The following TAP2 variants were observed in gnomAD, a reference collection of about 807,000 sequenced individuals.
TAP2 encodes transporter 2, ATP binding cassette subfamily B member.
Under a neutral mutation model 74.7 loss-of-function variants are expected in TAP2, and 49 were observed. That is an observed-to-expected ratio of 0.66 (90% CI 0.52 to 0.83). The LOEUF is 0.83. TAP2 is among the 40% of genes least tolerant of loss of function. TAP2 has a pLI of 0.00. For synonymous variants in TAP2, 306 were observed against 368.4 expected, an observed-to-expected ratio of 0.83 and a Z score of 1.94; for missense variants, 739 against 859.0, an observed-to-expected ratio of 0.86 and a Z score of 1.75.
chr6:32,837,807 T>G lies in TAP2; in HGVS notation c.427A>C (p.Lys143Gln). 1 of 1,613,956 alleles carries G rather than the reference T, an allele frequency of 6.2e-7. No individual in the cohort carries two copies. The highest frequency in any genetic ancestry group is 1.3e-5 in the African/African-American group (1 of 74,978). Residue 143 changes from lysine to glutamine, a missense_variant, in exon 2 of 12, where the codon AAG becomes CAG. By Grantham distance (53) the Lys-to-Gln change is moderately conservative. Coordinates refer to ENST00000374897, the MANE Select transcript of TAP2 (RefSeq NM_001290043.2). ...AGAGGCAGGTCCGGCCTGGAGAGCT[T>G]CAGCAGCCTCCACATCAAGACTTTG... The part of the protein sequence containing the change: ...NNKVLMWRLL[K>Q]LSRPDLPLLV...
At position 32,828,447 on chromosome 6, in the gene TAP2, G is replaced by A; in HGVS notation, c.*459C>T. 2.0e-6 allele frequency: 2 copies of A among 985,270 alleles called. No individual in the cohort carries two copies. Among genetic ancestry groups the A allele is most frequent in the South Asian group, 9.4e-5 (2 of 21,292 alleles). 61.0% of individuals were successfully genotyped at this position (985,270 alleles called of 1,614,324 possible). A position where few individuals can be genotyped will look rare whatever the true frequency, so the allele number is the denominator to read the frequency against. ...CTCAAACAACAGATAAACGACTGAT[G>A]GGACAGGCAGCAAAATAGCAACTAT... is the stretch of plus-strand genomic sequence containing the variant. On this transcript the variant is annotated 3_prime_UTR_variant, in exon 12 of 12. Coordinates refer to ENST00000374897, the MANE Select transcript of TAP2 (RefSeq NM_001290043.2).
Position 32,834,930 on chromosome 6 carries a change from A to C in TAP2, c.945+224T>G, listed in dbSNP as rs1227004188. 3.3e-5 allele frequency among the ~76,000 whole-genome samples: 5 copies of C among 150,642 alleles called. No individual in the cohort carries two copies. In the South Asian group the frequency reaches 8.3e-4, roughly 25 times the overall value. ...TCCCCCATACCTTCACATACACTTT[A>C]CATTTTTGTTTACAGTTCTGGAGAA... On this transcript the variant is annotated intron_variant, in intron 5 of 11. Transcript: ENST00000374897.
Position 32,826,016 on chromosome 6 carries a change from G to A in TAP2, c.*2890C>T. Reference sequence around the variant, plus strand: ...AGTAGTCTAATTCCTAAGAGTCCATGGAACTCTAGGTTCAAAACCCAGTTT... The same window carrying A: ...AGTAGTCTAATTCCTAAGAGTCCATAGAACTCTAGGTTCAAAACCCAGTTT... On this transcript the variant is annotated 3_prime_UTR_variant, in exon 12 of 12. Transcript: ENST00000374897. The A allele has an allele frequency of 1.0e-6, 1 of 985,352 alleles. No homozygotes were observed. Among genetic ancestry groups the A allele is most frequent in the Non-Finnish European group, 1.2e-6 (1 of 829,898 alleles). The allele number at this position is 985,352 out of a possible 1,614,324, so 61.0% of individuals were successfully genotyped here. A position where few individuals can be genotyped will look rare whatever the true frequency, so the allele number is the denominator to read the frequency against.
At chr6:32,822,070 G>A (rs117503239), downstream of TAP2, 1 of 548,346 alleles carries the variant, frequency 1.8e-6, no homozygotes, top group African/African-American at 1.9e-5. Context: ...GGAAACTGAG[G>A]AACCAAAGGC....
At position 32,828,872 on chromosome 6, in the gene TAP2, G is replaced by A. The variant is rs779540233; in HGVS notation, c.*34C>T. The A allele has an allele frequency of 6.6e-7, 1 of 1,524,922 alleles. No individual in the cohort carries two copies. 94.5% of individuals were successfully genotyped at this position (1,524,922 alleles called of 1,614,324 possible). A position where few individuals can be genotyped will look rare whatever the true frequency, so the allele number is the denominator to read the frequency against. The stretch of plus-strand genomic sequence containing the variant: ...CTGGGGCCTCAGTCCATCAGCCGCT[G>A]CTGCACCAGGCGGGAATAGAGGTCC... On this transcript the variant is annotated 3_prime_UTR_variant, in exon 12 of 12. Coordinates refer to ENST00000374897, the MANE Select transcript of TAP2 (RefSeq NM_001290043.2).
rs1365463621 is a variant in TAP2 at position 32,832,285 on chromosome 6, A to G, written c.1272+48T>C. 2.5e-6 allele frequency: 4 copies of G among 1,612,648 alleles called. No homozygotes were observed. Among genetic ancestry groups the G allele is most frequent in the Non-Finnish European group, 3.4e-6 (4 of 1,179,952 alleles). ...AAAGCCCAAGGCCCAGGAGTCCACA[A>G]AGAAAAAGAGAGGGAAAAAAGGAGA... On this transcript the variant is annotated intron_variant, in intron 7 of 11. Coordinates refer to ENST00000374897, the MANE Select transcript of TAP2 (RefSeq NM_001290043.2). The surrounding 1 kb of genome is among the most constrained non-coding windows in gnomAD (Gnocchi z 5.9).
At chr6:32,834,685 G>A (rs62397688) in intron 5 of TAP2, among the ~76,000 whole-genome samples, 6,340 of 152,248 alleles carry the variant, frequency 0.042, 187 homozygotes, top group South Asian at 0.07. Flanking sequence ...GAGAAAAAGA[G>A]AAGGTGGAGC....
At position 32,835,025 on chromosome 6, in the gene TAP2, A is replaced by C. The variant is rs1769317902; in HGVS notation, c.945+129T>G. Reference sequence around the variant, plus strand: ...CAAACAAAATGTAGTATATACTACAATATACCTTCTCCCCTAATGGCTGAG... The same window carrying C: ...CAAACAAAATGTAGTATATACTACACTATACCTTCTCCCCTAATGGCTGAG... On this transcript the variant is annotated intron_variant, in intron 5 of 11. Transcript: ENST00000374897. This position sits in a 1 kb window ranked among gnomAD's most constrained non-coding sequence, Gnocchi z 4.0. The C allele has an allele frequency of 1.0e-6, 1 of 954,238 alleles. No homozygotes were observed. Among genetic ancestry groups the C allele is most frequent in the Non-Finnish European group, 1.6e-6 (1 of 606,696 alleles). The allele number at this position is 954,238 out of a possible 1,614,324, so 59.1% of individuals were successfully genotyped here.
At chr6:32,838,559 G>C in intron 1 of TAP2, 94 bp downstream of exon 1, 1 of 323,274 alleles carries the variant, frequency 3.1e-6, no homozygotes, top group South Asian at 1.2e-4. Flanking sequence ...CCTATCGCCG[G>C]GTGCAGAGGG....
At chr6:32,822,546 T>G (rs919323033), downstream of TAP2, among the ~76,000 whole-genome samples, 3 of 152,192 alleles carry the variant, frequency 2.0e-5, no homozygotes, top group African/African-American at 7.2e-5. Flanking sequence ...GTTTGTTTGT[T>G]TGTTTGTTTT....
At chr6:32,830,934 T>C (rs117821) in intron 7 of TAP2, 128 bp from the exon 8 acceptor site, 520,432 of 874,434 alleles carry the variant, frequency 0.6, 156,621 homozygotes, top group Non-Finnish European at 0.6. Context: ...GATTCTCCAC[T>C]TTTAAATGTA....
chr6:32,822,465 T>G (rs1768345284), downstream of TAP2: 1 of 632,356 alleles, frequency 1.6e-6, no homozygotes, highest in African/African-American at 1.9e-5. Context: ...TGCATTGTCA[T>G]AGTTTAACAT....
chr6:32,822,864 T>C (rs139345337), downstream of TAP2, among the ~76,000 whole-genome samples: 2,458 of 151,902 alleles, frequency 0.016, 35 homozygotes, highest in Admixed American at 0.025. Flanking sequence ...GATATAGATG[T>C]AGCATATCTA....
In TAP2 at chr6:32,829,529, C is replaced by T; in HGVS notation, c.1803G>A (p.Gly601=). 2 of 1,614,190 alleles carry T rather than the reference C, an allele frequency of 1.2e-6. No individual in the cohort carries two copies. The highest frequency in any genetic ancestry group is 1.7e-6 in the Non-Finnish European group (2 of 1,180,050). ...CCGCAGCCAGCTGGCTTCCCTTCTC[C>T]CCTACATCTGAGGAAATCAGAGAAA... The part of the protein sequence containing the change: ...EMEHGIYTDV[G]EKGSQLAAGQ... The change falls in exon 11 of 12, where the codon GGG becomes GGA. Residue 601 remains glycine, a synonymous_variant. Transcript: ENST00000374897.
intron 3 of TAP2, among the ~76,000 whole-genome samples, chr6:32,836,292 T>C (rs1002001453): frequency 1.3e-5 from 2 of 152,216 alleles, no homozygotes; most frequent in African/African-American, 4.8e-5. Flanking sequence ...GATTCCCATC[T>C]TTCATCCTTC....
intron 3 of TAP2, among the ~76,000 whole-genome samples, chr6:32,837,019 A>G (rs1427634733): frequency 6.6e-6 from 1 of 152,230 alleles, no homozygotes; most frequent in East Asian, 1.9e-4. Flanking sequence ...TATGTCTAGA[A>G]AGAGAAAGGA....
At position 32,830,677 on chromosome 6, in the gene TAP2, C is replaced by T. The variant is rs145903803; in HGVS notation, c.1402G>A (p.Val468Met). 109 of 1,612,986 alleles carry T rather than the reference C, an allele frequency of 6.8e-5. No homozygotes were observed. The highest frequency in any genetic ancestry group is 8.4e-5 in the Non-Finnish European group (99 of 1,180,046). Reference sequence around the variant, plus strand: ...GCAAAGGAGACGTCTTGGAATTTCACAACCCCCTGCAGAGTGGTGGGGGCA... The same window carrying T: ...GCAAAGGAGACGTCTTGGAATTTCATAACCCCCTGCAGAGTGGTGGGGGCA... Reference protein sequence around the residue: ...TLAPTTLQGVVKFQDVSFAYP... With the variant: ...TLAPTTLQGVMKFQDVSFAYP... Residue 468 changes from valine (V) to methionine (M), a missense_variant, in exon 8 of 12, where the codon GTG becomes ATG. Physicochemically the swap from Val to Met is conservative, Grantham distance 21. Transcript: ENST00000374897.
At position 32,828,938 on chromosome 6, in the gene TAP2, C is replaced by T. The variant is rs887743515; in HGVS notation, c.2029G>A (p.Glu677Lys). 13 of 1,546,504 alleles carry T rather than the reference C, an allele frequency of 8.4e-6. No homozygotes were observed. In the African/African-American group the frequency reaches 1.6e-4, roughly 20 times the overall value. The change falls in exon 12 of 12, where the codon GAG becomes AAG. Residue 677 changes from glutamate (E) to lysine (K), a missense_variant. By Grantham distance (56) the Glu-to-Lys change is moderately conservative (BLOSUM62 1). Coordinates refer to ENST00000374897, the MANE Select transcript of TAP2 (RefSeq NM_001290043.2). Reference protein sequence around the residue: ...QRAHQILVLQEGKLQKLAQL With the variant: ...QRAHQILVLQKGKLQKLAQL Reference sequence around the variant, plus strand: ...TGGGCAAGCTTCTGCAGCTTGCCCTCCTGGAGCACCAGGATCTGGTGGGCG... The same window carrying T: ...TGGGCAAGCTTCTGCAGCTTGCCCTTCTGGAGCACCAGGATCTGGTGGGCG...
chr6:32,832,875 C>G lies in TAP2; in HGVS notation c.946-51G>C. 1 of 1,591,976 alleles carries G rather than the reference C, an allele frequency of 6.3e-7. No individual in the cohort carries two copies. Among genetic ancestry groups the G allele is most frequent in the Non-Finnish European group, 8.6e-7 (1 of 1,167,408 alleles). ...AGGGCTGATGTGCAAAGACAGCAGG[C>G]CCCCACATCTTACTCCAGCCAGTGA... is the stretch of plus-strand genomic sequence containing the variant. On this transcript the variant is annotated intron_variant, in intron 5 of 11. Transcript: ENST00000374897. This position sits in a 1 kb window ranked among gnomAD's most constrained non-coding sequence, Gnocchi z 5.9.
Sources: allele counts gnomAD v4.1 joint callset (sites outside exome capture counted in the v4.1 genomes callset), GRCh38; gene constraint gnomAD v4.1.1; non-coding constraint Gnocchi (gnomAD v3.1); transcripts MANE v1.5; gene names NCBI Gene and HGNC (gene_info 2026-07-23, HGNC 2026-07-21).